Variants in ADAM9 observed in about 807,000 individuals in gnomAD.
ADAM9 encodes the protein disintegrin and metalloproteinase domain-containing protein 9.
ADAM9 carries 54 observed loss-of-function variants against 108.1 expected under a neutral mutation model. That is an observed-to-expected ratio of 0.50 (90% CI 0.40 to 0.63). The LOEUF (loss-of-function observed/expected upper bound fraction) is 0.63. ADAM9 is among the 20% of genes least tolerant of loss of function. ADAM9 has a pLI of 0.00. For missense variants in ADAM9, 830 were observed against 997.7 expected (o/e 0.83, Z 2.26); for synonymous variants, 316 against 336.0 (o/e 0.94, Z 0.65).
In ADAM9 at chr8:39,090,182, CAT is replaced by C. The variant is rs1220535277; in HGVS notation, c.2207_2208del (p.Tyr736Ter). ...TACTTCAGAAAGAAGAGATCACAAA[CAT>C]ATGAGTACTTAGATTTTTTTCTTTT... On this transcript the variant is annotated frameshift_variant, in exon 19 of 22. Transcript: ENST00000487273. LOFTEE classifies it high-confidence loss of function. The C allele has an allele frequency of 1.9e-6, 3 of 1,612,664 alleles. No individual in the cohort carries two copies. The highest frequency in any genetic ancestry group is 2.5e-6 in the Non-Finnish European group (3 of 1,179,296).
chr8:39,019,054 T>C (rs538260048), intron 7 of ADAM9, 136 bp downstream of exon 7: 1 of 898,344 alleles, frequency 1.1e-6, no homozygotes, highest in African/African-American at 1.7e-5. Flanking sequence ...AATGGTTTTT[T>C]TCCCTTAAAC....
chr8:39,039,483 T>C (rs1388312674), intron 11 of ADAM9, among the ~76,000 whole-genome samples: 2 of 152,226 alleles, frequency 1.3e-5, no homozygotes, highest in Admixed American at 6.5e-5. Flanking sequence ...GTCCTCATGC[T>C]GTACCTGAGA....
intron 4 of ADAM9, 40 bp downstream of exon 4, chr8:39,014,083 A>G (rs1485165422): frequency 2.6e-6 from 4 of 1,538,550 alleles, no homozygotes; most frequent in East Asian, 2.2e-5. Flanking sequence ...AAATTTTAAA[A>G]CAATTATAAT....
At position 39,090,119 on chromosome 8, in the gene ADAM9, T is replaced by C. The variant is rs763144753; in HGVS notation, c.2141T>C (p.Ile714Thr). Residue 714 changes from isoleucine (I) to threonine (T), a missense_variant, in exon 19 of 22, where the codon ATT (isoleucine) becomes ACT (threonine). Physicochemically the swap from Ile to Thr is moderately conservative, Grantham distance 89. Around this residue, in one of 3 missense-constraint regions of ADAM9, gnomAD observed 238 missense variants for 235.7 expected, o/e 1.01. Transcript: ENST00000487273. ...FLIVPLIVCA[I>T]FIFIKRDQLW... is the part of the protein sequence containing the mutation. ...ATTGTTCCCCTTATTGTCTGTGCTA[T>C]TTTTATCTTCATCAAGAGGGATCAA... 1 of 1,613,912 alleles carries C rather than the reference T, an allele frequency of 6.2e-7. No homozygotes were observed. The highest frequency in any genetic ancestry group is 8.5e-7 in the Non-Finnish European group (1 of 1,179,852).
intron 1 of ADAM9, among the ~76,000 whole-genome samples, chr8:39,002,084 C>T (rs1588317040): frequency 6.7e-6 from 1 of 148,594 alleles, no homozygotes; most frequent in East Asian, 1.9e-4. Context: ...TTGCACCAAC[C>T]TATTATATGG....
chr8:39,054,448 A>C (rs1838051057), intron 12 of ADAM9, 33 bp from the exon 13 acceptor site: 2 of 1,571,304 alleles, frequency 1.3e-6, no homozygotes, highest in Non-Finnish European at 1.8e-6. Flanking sequence ...TCAATTACTA[A>C]TTTCTTTATT....
intron 14 of ADAM9, among the ~76,000 whole-genome samples, chr8:39,058,939 C>G (rs986313674): frequency 6.6e-6 from 1 of 152,164 alleles, no homozygotes; most frequent in Non-Finnish European, 1.5e-5. Flanking sequence ...CATATACAGC[C>G]TTTTGGAGAA....
At chr8:39,042,790 TC>T (rs1286149215) in intron 12 of ADAM9, among the ~76,000 whole-genome samples, 1 of 152,198 alleles carries the variant, frequency 6.6e-6, no homozygotes, top group Non-Finnish European at 1.5e-5. Flanking sequence ...AATTGATCCT[TC>T]TAAGAGATTT....
intron 18 of ADAM9, among the ~76,000 whole-genome samples, chr8:39,087,229 C>T (rs562882477): frequency 6.6e-6 from 1 of 152,302 alleles, no homozygotes; most frequent in East Asian, 1.9e-4. Flanking sequence ...TTGGACAATT[C>T]TAAGGCTCAC....
chr8:39,065,104 T>C (rs1838416167), intron 14 of ADAM9, among the ~76,000 whole-genome samples: 1 of 152,112 alleles, frequency 6.6e-6, no homozygotes. Flanking sequence ...GTGTGATTTC[T>C]TTTCCTGGAT....
At chr8:39,043,978 C>A (rs370071210) in intron 12 of ADAM9, among the ~76,000 whole-genome samples, 1 of 152,132 alleles carries the variant, frequency 6.6e-6, no homozygotes, top group Non-Finnish European at 1.5e-5. Flanking sequence ...GTAGCTCTTC[C>A]TGTATATTTT....
chr8:39,020,990 T>C (rs927407924), intron 7 of ADAM9, among the ~76,000 whole-genome samples: 2 of 152,260 alleles, frequency 1.3e-5, no homozygotes, highest in Non-Finnish European at 2.9e-5. Context: ...CTATGCATTT[T>C]GATTGCTTAA....
chr8:39,045,827 C>T (rs1252169030), intron 12 of ADAM9, among the ~76,000 whole-genome samples: 1 of 151,822 alleles, frequency 6.6e-6, no homozygotes, highest in Non-Finnish European at 1.5e-5. Flanking sequence ...TTTACATTCT[C>T]ACCAACAATG....
chr8:39,031,930 G>T (rs1477873843), intron 11 of ADAM9, among the ~76,000 whole-genome samples: 1 of 152,216 alleles, frequency 6.6e-6, no homozygotes, highest in Non-Finnish European at 1.5e-5. Flanking sequence ...ATCTGTTGGA[G>T]TTTGCTGGAG....
chr8:39,006,290 C>T (rs1341829481), intron 1 of ADAM9, among the ~76,000 whole-genome samples: 2 of 152,062 alleles, frequency 1.3e-5, no homozygotes, highest in Non-Finnish European at 2.9e-5. Context: ...AGTTTAAAAG[C>T]TGTTTATACA....
rs185979143 is a variant in ADAM9, at chr8:39,065,710, C to T, written c.1592-5588C>T. 2.6e-3 allele frequency among the ~76,000 whole-genome samples: 388 copies of T among 148,230 alleles called. 4 individuals carry two copies. Among genetic ancestry groups the T allele is most frequent in the South Asian group, 0.024 (114 of 4,668 alleles). On this transcript the variant is annotated intron_variant, in intron 14 of 21. Coordinates refer to ENST00000487273, the MANE Select transcript of ADAM9 (RefSeq NM_003816.3). Reference sequence around the variant, plus strand: ...ACATAATCTGTTCTTATTTCATGCACGAAACATCTCTCATGTTTGTCAGTA... The same window carrying T: ...ACATAATCTGTTCTTATTTCATGCATGAAACATCTCTCATGTTTGTCAGTA...
intron 1 of ADAM9, among the ~76,000 whole-genome samples, chr8:39,000,961 G>A (rs1296195541): frequency 2.6e-5 from 4 of 152,052 alleles, no homozygotes; most frequent in Admixed American, 6.5e-5. Context: ...AAAGGGAATG[G>A]GACGTTCCCT....
In ADAM9 at chr8:39,091,264, A is replaced by G; in HGVS notation, c.2216A>G (p.Asp739Gly). ...AAAGTAATTGTATCTTTCAGGTCAG[A>G]TGGCAAAAATCAAGCAAACCCTTCT... ...RKKRSQTYES[D>G]GKNQANPSRQ... The change falls in exon 20 of 22, where the codon GAT (aspartate) becomes GGT (glycine). Residue 739 changes from aspartate to glycine, a missense_variant. Transcript: ENST00000487273. 2 of 1,613,982 alleles carry G rather than the reference A, an allele frequency of 1.2e-6. No homozygotes were observed.
intron 15 of ADAM9, among the ~76,000 whole-genome samples, chr8:39,073,921 C>G (rs1367289621): frequency 1.3e-5 from 2 of 152,172 alleles, no homozygotes; most frequent in Non-Finnish European, 2.9e-5. Context: ...TGTTCAATCA[C>G]TTAACATCTC....
Sources: gnomAD v4.1 joint callset for allele counts (sites outside exome capture counted in the v4.1 genomes callset) on GRCh38, gnomAD v4.1.1 for gene constraint, gnomAD v4.1.1 regional missense constraint, MANE v1.5 for transcripts, NCBI Gene and HGNC (gene_info 2026-07-23, HGNC 2026-07-21) for gene names.